Variants in TENM4 observed in about 807,000 individuals in gnomAD.
TENM4 encodes the protein teneurin transmembrane protein 4.
TENM4 carries 82 observed loss-of-function variants against 243.3 expected under a neutral mutation model. The observed-to-expected ratio is 0.34, with a 90% confidence interval of 0.28 to 0.40. TENM4 has a LOEUF of 0.40. Ranked by LOEUF, TENM4 falls within the 10% of genes least tolerant of loss-of-function variation. TENM4 has a pLI of 1.00. For synonymous variants in TENM4, 1,412 were observed against 1,456.3 expected (o/e 0.97, Z 0.69); for missense variants, 3,138 against 3,673.3 (o/e 0.85, Z 3.77).
chr11:78,907,725 T>G (rs7933165), intron 6 of TENM4, among the ~76,000 whole-genome samples: 1 of 152,152 alleles, frequency 6.6e-6, no homozygotes, highest in Non-Finnish European at 1.5e-5. Context: ...TTACAGAATG[T>G]CGGGGAAAGA....
intron 3 of TENM4, among the ~76,000 whole-genome samples, chr11:79,202,852 C>T (rs1863771538): frequency 1.3e-5 from 2 of 152,302 alleles, no homozygotes; most frequent in African/African-American, 2.4e-5. Context: ...CTAGAGGAGG[C>T]CCATAATGAC....
At chr11:78,780,438 T>C (rs1856818142) in intron 16 of TENM4, among the ~76,000 whole-genome samples, 1 of 152,240 alleles carries the variant, frequency 6.6e-6, no homozygotes, top group Admixed American at 6.5e-5. Context: ...GTCCCAATTA[T>C]AAGTTCTTAT....
At chr11:78,781,752 GCGGTT>G (rs1856842031) in intron 16 of TENM4, among the ~76,000 whole-genome samples, 1 of 152,162 alleles carries the variant, frequency 6.6e-6, no homozygotes, top group Non-Finnish European at 1.5e-5. Context: ...TGATGGGTTG[GCGGTT>G]CTAGTCATCT....
At chr11:79,052,220 C>T (rs1035306406) in intron 6 of TENM4, among the ~76,000 whole-genome samples, 1 of 152,222 alleles carries the variant, frequency 6.6e-6, no homozygotes, top group Non-Finnish European at 1.5e-5. Flanking sequence ...AATGGTTCAA[C>T]TAATTTACAC....
chr11:78,691,115 A>G lies in TENM4; in HGVS notation c.5088-2889T>C, dbSNP rs552512807. On this transcript the variant is annotated intron_variant, in intron 28 of 33. Coordinates refer to ENST00000278550, the MANE Select transcript of TENM4 (RefSeq NM_001098816.3). Reference sequence around the variant, plus strand: ...TTTTCCTGTCCCTTCTCCCAGTGATATCCTGTGCACAGCTCTGTCCTAGAA... The same window carrying G: ...TTTTCCTGTCCCTTCTCCCAGTGATGTCCTGTGCACAGCTCTGTCCTAGAA... Among the ~76,000 whole-genome samples the G allele has an allele frequency of 3.3e-5, 5 of 152,208 alleles. No individual in the cohort carries two copies. In the East Asian group the frequency reaches 9.7e-4, roughly 29 times the overall value.
intron 3 of TENM4, among the ~76,000 whole-genome samples, chr11:79,171,028 G>A (rs1360721291): frequency 6.6e-6 from 1 of 152,094 alleles, no homozygotes; most frequent in Non-Finnish European, 1.5e-5. Context: ...AACTCCCCCA[G>A]CCCCGTGAGT....
chr11:79,182,716 T>C lies in TENM4; in HGVS notation c.-163+33092A>G, dbSNP rs147438197. On this transcript the variant is annotated intron_variant, in intron 3 of 33. Coordinates refer to ENST00000278550, the MANE Select transcript of TENM4 (RefSeq NM_001098816.3). ...CAAAATATCCAAAAAACTCTTAAAG[T>C]TCAACAATAAGAAAACAACCTGATT... Among the ~76,000 whole-genome samples the C allele has an allele frequency of 1.7e-4, 26 of 152,200 alleles. No individual in the cohort carries two copies. The East Asian group carries it at 5.0e-3, about 29-fold the overall frequency.
In TENM4 at chr11:79,165,622, T is replaced by C. The variant is rs185036492; in HGVS notation, c.-162-16816A>G. Among the ~76,000 whole-genome samples the C allele has an allele frequency of 7.2e-5, 11 of 152,316 alleles. No individual in the cohort carries two copies. The East Asian group carries it at 2.1e-3, about 29-fold the overall frequency. On this transcript the variant is annotated intron_variant, in intron 3 of 33. Transcript: ENST00000278550. ...GTTTATTCTGTTATTTCTTTTGCTG[T>C]GCAAAAACCTTTTGGTATCATTAGG... is the stretch of plus-strand genomic sequence containing the variant.
chr11:78,987,021 C>T (rs1857934892), intron 6 of TENM4, among the ~76,000 whole-genome samples: 1 of 152,206 alleles, frequency 6.6e-6, no homozygotes, highest in Non-Finnish European at 1.5e-5. Flanking sequence ...AGTCTAATGT[C>T]TGGCCCACAG....
intron 4 of TENM4, among the ~76,000 whole-genome samples, chr11:79,146,366 T>C (rs977604560): frequency 6.6e-6 from 1 of 152,124 alleles, no homozygotes; most frequent in Non-Finnish European, 1.5e-5. Flanking sequence ...AAATACTTTG[T>C]CCTATACCTT....
chr11:78,670,596 A>C, intron 31 of TENM4, 45 bp from the exon 32 acceptor site: 1 of 1,550,452 alleles, frequency 6.4e-7, no homozygotes, highest in Non-Finnish European at 8.7e-7. Context: ...GGTGGTGAGG[A>C]GAAAGGGTAG....
chr11:79,199,576 C>G (rs1863700741), intron 3 of TENM4, among the ~76,000 whole-genome samples: 1 of 152,276 alleles, frequency 6.6e-6, no homozygotes, highest in South Asian at 2.1e-4. Flanking sequence ...TGCAAGCAAT[C>G]AAATACCCAG....
intron 9 of TENM4, 45 bp downstream of exon 9, chr11:78,889,740 T>G (rs1313446698): frequency 6.5e-7 from 1 of 1,541,068 alleles, no homozygotes; most frequent in African/African-American, 1.4e-5. Flanking sequence ...TGCTGCCCTC[T>G]GGGCCAAAGA....
chr11:78,846,145 C>G (rs1054650696), intron 12 of TENM4, among the ~76,000 whole-genome samples: 1 of 152,326 alleles, frequency 6.6e-6, no homozygotes, highest in African/African-American at 2.4e-5. Context: ...GGATTGCTAA[C>G]CTAACTCTGC....
chr11:78,849,274 T>C (rs1858476354), intron 12 of TENM4, among the ~76,000 whole-genome samples: 1 of 152,254 alleles, frequency 6.6e-6, no homozygotes, highest in Non-Finnish European at 1.5e-5. Flanking sequence ...GTCTTCTTAA[T>C]GACTTCTCAA....
intron 6 of TENM4, among the ~76,000 whole-genome samples, chr11:78,979,082 T>C (rs1857732574): frequency 6.6e-6 from 1 of 152,136 alleles, no homozygotes; most frequent in Non-Finnish European, 1.5e-5. Context: ...AAATTCTCAG[T>C]GTCCAGTGGT....
rs182783532 is a variant in TENM4 at position 79,043,742 on chromosome 11, C to T, written c.493+20996G>A. Among the ~76,000 whole-genome samples the T allele has an allele frequency of 3.0e-3, 456 of 152,186 alleles. 1 individual carries two copies. Among genetic ancestry groups the T allele is most frequent in the African/African-American group, 0.011 (442 of 41,524 alleles). On this transcript the variant is annotated intron_variant, in intron 6 of 33. Coordinates refer to ENST00000278550, the MANE Select transcript of TENM4 (RefSeq NM_001098816.3). ...ATGAATGGCTGAATGAACAAATAAG[C>T]CTAGAAAAATGAACATGAGATCCGG... is the stretch of plus-strand genomic sequence containing the variant.
At chr11:79,420,516 AG>A (rs1304154310) in intron 1 of TENM4, among the ~76,000 whole-genome samples, 1 of 152,230 alleles carries the variant, frequency 6.6e-6, no homozygotes, top group African/African-American at 2.4e-5. Context: ...TTTAGAAAAA[AG>A]AAAACTCATA....
Position 78,669,205 on chromosome 11 carries a change from G to A in TENM4, c.7140C>T (p.Ile2380=), listed in dbSNP as rs890733810. The A allele has an allele frequency of 3.1e-6, 5 of 1,612,402 alleles. No homozygotes were observed. The South Asian group carries it at 3.3e-5, about 11-fold the overall frequency. ...AGATCTCCCCATAGGCTGTGTACAG[G>A]ATTTGCTTGATCATCAAACCTGTTC... ...FSGTGLMIKQ[I]LYTAYGEIYM... The change falls in exon 32 of 34, where the codon ATC becomes ATT. Residue 2380 remains isoleucine, a synonymous_variant. Transcript: ENST00000278550. This position sits in a 1 kb window ranked among gnomAD's most constrained non-coding sequence, Gnocchi z 6.4.
Sources: gnomAD v4.1 joint callset for allele counts (sites outside exome capture counted in the v4.1 genomes callset) on GRCh38, gnomAD v4.1.1 for gene constraint, Gnocchi (gnomAD v3.1) non-coding constraint, MANE v1.5 for transcripts, NCBI Gene and HGNC (gene_info 2026-07-23, HGNC 2026-07-21) for gene names.